Variants in TNFRSF11A observed in about 807,000 individuals in gnomAD.
TNFRSF11A encodes tumor necrosis factor receptor superfamily member 11A.
A neutral mutation model predicts 55.7 loss-of-function variants in TNFRSF11A; 32 were observed. That is an observed-to-expected ratio of 0.57 (90% CI 0.43 to 0.77). The LOEUF (loss-of-function observed/expected upper bound fraction) is 0.77, where lower values mean the gene tolerates loss of function less well. TNFRSF11A is among the 30% of genes least tolerant of loss of function. The probability of loss-of-function intolerance (pLI) is 0.00; values close to 1 mark genes in which losing one functional copy is unlikely to be tolerated. For missense variants in TNFRSF11A, 753 were observed against 809.8 expected (o/e 0.93, Z 0.85); for synonymous variants, 311 against 331.0 (o/e 0.94, Z 0.65).
At chr18:62,358,460 C>T (rs557458323) in intron 5 of TNFRSF11A, 119 bp downstream of exon 5, 54 of 958,888 alleles carry the variant, frequency 5.6e-5, no homozygotes, top group African/African-American at 1.4e-4. Context: ...CTTGAAGCCA[C>T]GTTCAAAATG....
At chr18:62,347,347 A>C (rs1446273816) in intron 1 of TNFRSF11A, among the ~76,000 whole-genome samples, 1 of 152,162 alleles carries the variant, frequency 6.6e-6, no homozygotes, top group Non-Finnish European at 1.5e-5. Flanking sequence ...TCAGGAAAAG[A>C]ACTTTTCTGT....
intron 1 of TNFRSF11A, among the ~76,000 whole-genome samples, chr18:62,332,231 A>G (rs1404668786): frequency 6.6e-6 from 1 of 152,212 alleles, no homozygotes; most frequent in Non-Finnish European, 1.5e-5. Flanking sequence ...CAGATGGGAA[A>G]TGGACCACTT....
At position 62,325,399 on chromosome 18, in the gene TNFRSF11A, T is replaced by G. The variant is rs2046056606; in HGVS notation, c.47T>G (p.Leu16Arg). The G allele has an allele frequency of 2.5e-6, 3 of 1,201,948 alleles. No individual in the cohort carries two copies. Among genetic ancestry groups the G allele is most frequent in the Admixed American group, 3.7e-5 (1 of 27,320 alleles). 74.5% of individuals were successfully genotyped at this position (1,201,948 alleles called of 1,614,324 possible). A position where few individuals can be genotyped will look rare whatever the true frequency, so the allele number is the denominator to read the frequency against. ...CGCCGCCCGCTGTTCGCGCTGCTGC[T>G]GCTCTGCGCGCTGCTCGCCCGGCTG... ...RRRRPLFALLLLCALLARLQV... is the reference protein window; with the variant it reads ...RRRRPLFALLRLCALLARLQV... The change falls in exon 1 of 10, where the codon CTG (leucine) becomes CGG (arginine). Residue 16 changes from leucine to arginine, a missense_variant. This residue lies in a region of TNFRSF11A where 156 missense variants were observed against 155.1 expected (regional missense o/e 1.01). Transcript: ENST00000586569. This position sits in a 1 kb window ranked among gnomAD's most constrained non-coding sequence, Gnocchi z 4.7.
chr18:62,359,598 C>T (rs1275808702), intron 5 of TNFRSF11A, among the ~76,000 whole-genome samples: 1 of 152,138 alleles, frequency 6.6e-6, no homozygotes, highest in Non-Finnish European at 1.5e-5. Flanking sequence ...AGGCTAGTCT[C>T]TAATTCCTGG....
intron 1 of TNFRSF11A, among the ~76,000 whole-genome samples, chr18:62,340,362 G>T (rs1335064757): frequency 2.0e-5 from 3 of 151,906 alleles, no homozygotes; most frequent in Non-Finnish European, 4.4e-5. Context: ...GGGTCCACAG[G>T]CACACGCTAC....
chr18:62,376,828 C>T (rs904966118), intron 9 of TNFRSF11A, among the ~76,000 whole-genome samples: 3 of 152,210 alleles, frequency 2.0e-5, no homozygotes, highest in Non-Finnish European at 4.4e-5. Context: ...TGGAATCATA[C>T]ATTCTATAGC....
At position 62,325,675 on chromosome 18, in the gene TNFRSF11A, C is replaced by A. The variant is rs149146545; in HGVS notation, c.75+248C>A. On this transcript the variant is annotated intron_variant, in intron 1 of 9. Transcript: ENST00000586569. The surrounding 1 kb of genome is among the most constrained non-coding windows in gnomAD (Gnocchi z 4.7). ...GCGGGACCGCAACACCCGAAACGGG[C>A]TCTTCCAAAAGCCCCTCTTAGCCGC... 0.013 allele frequency among the ~76,000 whole-genome samples: 1,953 copies of A among 152,302 alleles called. 48 individuals are homozygous for A. The highest frequency in any genetic ancestry group is 0.044 in the African/African-American group (1,844 of 41,568).
Position 62,366,874 on chromosome 18 carries a change from A to G in TNFRSF11A, c.783+114A>G, listed in dbSNP as rs1258388573. The stretch of plus-strand genomic sequence containing the variant: ...CCCACCCCCACTTTTTTTGAGACGG[A>G]GTCTCGCTCTGTGCCTCAGGCTGGA... On this transcript the variant is annotated intron_variant, in intron 8 of 9. Transcript: ENST00000586569. 2.8e-6 allele frequency: 3 copies of G among 1,080,460 alleles called. No individual in the cohort carries two copies. The African/African-American group carries it at 4.9e-5, about 18-fold the overall frequency. The allele number at this position is 1,080,460 out of a possible 1,614,324, so 66.9% of individuals were successfully genotyped here. A position where few individuals can be genotyped will look rare whatever the true frequency, so the allele number is the denominator to read the frequency against.
At position 62,349,893 on chromosome 18, in the gene TNFRSF11A, G is replaced by A. The variant is rs2046440702; in HGVS notation, c.239G>A (p.Trp80Ter). ...GGCCCGGATGAATACTTGGATAGCT[G>A]GAATGAAGAAGATAAATGCTTGCTG... ...PCGPDEYLDSWNEEDKCLLHK... is the reference protein window; with the variant it reads ...PCGPDEYLDS Residue 80 changes from tryptophan (W) to a stop codon, truncating the protein, a stop_gained, in exon 3 of 10, where the codon TGG becomes TAG. Coordinates refer to ENST00000586569, the MANE Select transcript of TNFRSF11A (RefSeq NM_003839.4). LOFTEE classifies it high-confidence loss of function. 1.2e-6 allele frequency: 2 copies of A among 1,613,954 alleles called. No individual in the cohort carries two copies. The highest frequency in any genetic ancestry group is 1.3e-5 in the African/African-American group (1 of 74,896).
intron 3 of TNFRSF11A, 102 bp downstream of exon 3, chr18:62,350,039 G>C (rs1365019979): frequency 1.3e-6 from 2 of 1,522,224 alleles, no homozygotes; most frequent in African/African-American, 2.7e-5. Context: ...TTCGTTTCAG[G>C]AACATGAAAG....
chr18:62,364,425 G>C (rs181089220), intron 7 of TNFRSF11A, among the ~76,000 whole-genome samples: 69 of 152,258 alleles, frequency 4.5e-4, no homozygotes, highest in African/African-American at 1.6e-3. Context: ...CGGCCCTCTG[G>C]CTTTAGAGTA....
intron 9 of TNFRSF11A, among the ~76,000 whole-genome samples, chr18:62,375,047 G>A (rs902399000): frequency 6.6e-6 from 1 of 150,508 alleles, no homozygotes; most frequent in African/African-American, 2.4e-5. Flanking sequence ...TGGGACAACA[G>A]GCCTGTACCA....
chr18:62,372,434 T>A (rs1266287733), intron 9 of TNFRSF11A, among the ~76,000 whole-genome samples: 1 of 152,066 alleles, frequency 6.6e-6, no homozygotes, highest in Non-Finnish European at 1.5e-5. Flanking sequence ...CTGAAGCCAC[T>A]CGTTAGTCTA....
chr18:62,377,771 T>C (rs1254067634), intron 9 of TNFRSF11A, among the ~76,000 whole-genome samples: 3 of 152,238 alleles, frequency 2.0e-5, no homozygotes, highest in African/African-American at 7.2e-5. Flanking sequence ...TAAGAGTTCC[T>C]TGTTTATTTT....
intron 4 of TNFRSF11A, among the ~76,000 whole-genome samples, chr18:62,356,925 C>A (rs1909303918): frequency 6.6e-6 from 1 of 152,210 alleles, no homozygotes; most frequent in Admixed American, 6.5e-5. Context: ...AATTAACACC[C>A]TTAACCCTTT....
rs1352270784 is a variant in TNFRSF11A at position 62,391,179 on chromosome 18, T to C, written c.*6145T>C. 6.6e-6 allele frequency: 1 copy of C among 152,222 alleles called. No homozygotes were observed. The highest frequency in any genetic ancestry group is 6.5e-5 in the Admixed American group (1 of 15,274). 9.4% of individuals were successfully genotyped at this position (152,222 alleles called of 1,614,324 possible). On this transcript the variant is annotated 3_prime_UTR_variant, in exon 10 of 10. Coordinates refer to ENST00000586569, the MANE Select transcript of TNFRSF11A (RefSeq NM_003839.4). Reference sequence around the variant, plus strand: ...ATCCATCGGTGGGTACACCAGTAGTTCCATTTTTTTTCTGAGTAGTAGTCC... The same window carrying C: ...ATCCATCGGTGGGTACACCAGTAGTCCCATTTTTTTTCTGAGTAGTAGTCC...
intron 1 of TNFRSF11A, 99 bp from the exon 2 acceptor site, chr18:62,348,058 CAAAAAAAAAAA>C (rs201661953): frequency 0.064 from 41,290 of 641,010 alleles, 1,579 homozygotes; most frequent in Admixed American, 0.17. Context: ...AAACTCCATT[CAAAAAAAAAAA>C]AAAAAAAAAA....
chr18:62,332,251 A>G (rs1252291686), intron 1 of TNFRSF11A, among the ~76,000 whole-genome samples: 1 of 152,212 alleles, frequency 6.6e-6, no homozygotes, highest in East Asian at 1.9e-4. Context: ...TCCCTAAAGT[A>G]TTGACTTTTT....
chr18:62,368,609 C>G (rs1455665501), intron 8 of TNFRSF11A, 92 bp from the exon 9 acceptor site: 1 of 1,287,826 alleles, frequency 7.8e-7, no homozygotes, highest in African/African-American at 1.5e-5. Context: ...TGGAAATAAT[C>G]AGTGTAAACA....
Sources: allele counts gnomAD v4.1 joint callset (sites outside exome capture counted in the v4.1 genomes callset), GRCh38; gene constraint gnomAD v4.1.1; regional missense constraint gnomAD v4.1.1; non-coding constraint Gnocchi (gnomAD v3.1); transcripts MANE v1.5; gene names NCBI Gene and HGNC (gene_info 2026-07-23, HGNC 2026-07-21).